The following TNR variants were observed in gnomAD, a reference collection of about 807,000 sequenced individuals.
TNR encodes tenascin R.
In TNR, 45 loss-of-function variants were observed where a neutral mutation model predicts 150.4. That is an observed-to-expected ratio of 0.30 (90% CI 0.24 to 0.38). The LOEUF is 0.38. TNR is among the 10% of genes least tolerant of loss of function. The probability of loss-of-function intolerance (pLI) is 1.00; values close to 1 mark genes in which losing one functional copy is unlikely to be tolerated. For synonymous variants in TNR, 687 were observed against 678.4 expected, an observed-to-expected ratio of 1.01 and a Z score of -0.20; for missense variants, 1,544 against 1,759.1, an observed-to-expected ratio of 0.88 and a Z score of 2.19.
chr1:175,495,722 T>C (rs1031467654), intron 2 of TNR, among the ~76,000 whole-genome samples: 1 of 152,218 alleles, frequency 6.6e-6, no homozygotes, highest in African/African-American at 2.4e-5. Flanking sequence ...TCCATGACAA[T>C]TACATGCTGT....
rs79401795 is a variant in TNR at position 175,698,616 on chromosome 1, G to A, written c.-165+44610C>T. On this transcript the variant is annotated intron_variant, in intron 1 of 22. Coordinates refer to ENST00000367674, the MANE Select transcript of TNR (RefSeq NM_003285.3). Reference sequence around the variant, plus strand: ...GCACTTTGGGAGGCAAGAGGCGGGTGGATGGCCTGAGGTCAGGAGTTTGAG... The same window carrying A: ...GCACTTTGGGAGGCAAGAGGCGGGTAGATGGCCTGAGGTCAGGAGTTTGAG... Among the ~76,000 whole-genome samples the A allele has an allele frequency of 6.0e-3, 910 of 152,228 alleles. 10 individuals carry two copies. Among genetic ancestry groups the A allele is most frequent in the African/African-American group, 0.021 (869 of 41,530 alleles).
chr1:175,358,079 T>A (rs1322506113), intron 15 of TNR, among the ~76,000 whole-genome samples: 1 of 152,072 alleles, frequency 6.6e-6, no homozygotes, highest in Non-Finnish European at 1.5e-5. Flanking sequence ...GTGAAAGAAA[T>A]AGCATGTGCA....
chr1:175,687,931 C>T (rs1010024250), intron 1 of TNR, among the ~76,000 whole-genome samples: 1 of 151,804 alleles, frequency 6.6e-6, no homozygotes, highest in South Asian at 2.1e-4. Context: ...CCATCTCAAA[C>T]ACCCAGGGAT....
intron 1 of TNR, among the ~76,000 whole-genome samples, chr1:175,612,297 C>T (rs962364285): frequency 6.6e-6 from 1 of 152,206 alleles, no homozygotes; most frequent in African/African-American, 2.4e-5. Context: ...GTTCCAGCAA[C>T]GGTAGCCCTC....
intron 2 of TNR, among the ~76,000 whole-genome samples, chr1:175,487,476 C>T (rs1346445040): frequency 1.3e-5 from 2 of 152,208 alleles, no homozygotes; most frequent in Non-Finnish European, 2.9e-5. Context: ...TGCCTTCTTC[C>T]TTCTGGAAAC....
intron 1 of TNR, among the ~76,000 whole-genome samples, chr1:175,736,761 C>T (rs1209967377): frequency 6.6e-6 from 1 of 152,008 alleles, no homozygotes; most frequent in East Asian, 1.9e-4. Context: ...TGCTTATAAT[C>T]CCAATACTTT....
chr1:175,518,499 T>C (rs542593745), intron 2 of TNR, among the ~76,000 whole-genome samples: 20 of 152,308 alleles, frequency 1.3e-4, no homozygotes, highest in African/African-American at 4.8e-4. Context: ...GTCATTATCA[T>C]ATTCCAGGGT....
chr1:175,474,815 T>A (rs957971517), intron 2 of TNR, among the ~76,000 whole-genome samples: 3 of 152,210 alleles, frequency 2.0e-5, no homozygotes, highest in African/African-American at 7.2e-5. Context: ...TTGTATTTGT[T>A]GAATGTTACC....
chr1:175,539,776 A>G (rs1479007431), intron 1 of TNR, among the ~76,000 whole-genome samples: 1 of 152,242 alleles, frequency 6.6e-6, no homozygotes, highest in East Asian at 1.9e-4. Flanking sequence ...TAAAACTCCT[A>G]CAACTACCAT....
At chr1:175,381,740 A>C (rs1293691631) in intron 8 of TNR, among the ~76,000 whole-genome samples, 1 of 152,226 alleles carries the variant, frequency 6.6e-6, no homozygotes, top group Non-Finnish European at 1.5e-5. Context: ...TAGCCACTAA[A>C]ACATAAATTA....
chr1:175,436,267 A>C (rs542217420), intron 2 of TNR, among the ~76,000 whole-genome samples: 1,695 of 152,282 alleles, frequency 0.011, 40 homozygotes, highest in African/African-American at 0.039. Flanking sequence ...CGTCACTTTC[A>C]GGTACACCAA....
At chr1:175,430,091 T>C (rs1393413943) in intron 2 of TNR, among the ~76,000 whole-genome samples, 1 of 150,766 alleles carries the variant, frequency 6.6e-6, no homozygotes, top group Non-Finnish European at 1.5e-5. Context: ...ATAATATAGA[T>C]AATGATATTA....
chr1:175,507,184 G>T lies in TNR; in HGVS notation c.-64+21085C>A, dbSNP rs117588639. Among the ~76,000 whole-genome samples, 7 of 152,304 alleles carry T rather than the reference G, an allele frequency of 4.6e-5. No individual in the cohort carries two copies. In the East Asian group the frequency reaches 1.4e-3, roughly 29 times the overall value. ...CTGCAGTGGTGCGTGTGCCCCGCTGGGGGTGGAGAGCAGGGGCAGTGTCTG... is the reference window on the plus strand; with the variant it reads ...CTGCAGTGGTGCGTGTGCCCCGCTGTGGGTGGAGAGCAGGGGCAGTGTCTG... On this transcript the variant is annotated intron_variant, in intron 2 of 22. Coordinates refer to ENST00000367674, the MANE Select transcript of TNR (RefSeq NM_003285.3).
intron 2 of TNR, among the ~76,000 whole-genome samples, chr1:175,424,146 C>T (rs1409681878): frequency 6.6e-6 from 1 of 152,080 alleles, no homozygotes; most frequent in Non-Finnish European, 1.5e-5. Context: ...ATTGAGATTG[C>T]ACCCTATTTC....
chr1:175,361,243 GATTGA>G (rs1651573154), intron 14 of TNR, among the ~76,000 whole-genome samples: 1 of 152,132 alleles, frequency 6.6e-6, no homozygotes, highest in South Asian at 2.1e-4. Flanking sequence ...ATGAGTTTTT[GATTGA>G]AGTTGCTGGT....
intron 1 of TNR, among the ~76,000 whole-genome samples, chr1:175,643,318 G>A (rs1664720178): frequency 6.6e-6 from 1 of 152,218 alleles, no homozygotes; most frequent in South Asian, 2.1e-4. Flanking sequence ...CAGTGCTACT[G>A]AGTGGGAAGT....
chr1:175,650,121 A>C (rs925840848), intron 1 of TNR, among the ~76,000 whole-genome samples: 1 of 152,182 alleles, frequency 6.6e-6, no homozygotes, highest in South Asian at 2.1e-4. Context: ...TTTGATATCA[A>C]TGTTTATTGG....
rs752447699 is a variant in TNR, at chr1:175,363,758, G to C, written c.2657C>G (p.Pro886Arg). The C allele has an allele frequency of 1.9e-6, 3 of 1,613,928 alleles. No individual in the cohort carries two copies. The South Asian group carries it at 3.3e-5, about 18-fold the overall frequency. Residue 886 changes from proline (P) to arginine (R), a missense_variant, in exon 13 of 23, where the codon CCT (proline) becomes CGT (arginine). By Grantham distance (103) the Pro-to-Arg change is moderately radical (BLOSUM62 -2). Transcript: ENST00000367674. ...GTAGTAATCGAAAGATGCAACAGGA[G>C]GGCTCCAGGAGACCATCACTGAGTC... ...TKDSVMVSWS[P>R]PVASFDYYRV...
intron 18 of TNR, among the ~76,000 whole-genome samples, chr1:175,350,310 C>T (rs1301765140): frequency 4.6e-5 from 7 of 152,186 alleles, no homozygotes; most frequent in Admixed American, 4.6e-4. Context: ...TCAAGACAAC[C>T]TATTTTATAG....
Sources: gnomAD v4.1 joint callset for allele counts (sites outside exome capture counted in the v4.1 genomes callset) on GRCh38, gnomAD v4.1.1 for gene constraint, MANE v1.5 for transcripts, NCBI Gene and HGNC (gene_info 2026-07-23, HGNC 2026-07-21) for gene names.